FRMD8: variants seen among roughly 807,000 people sequenced by gnomAD.
FRMD8 encodes FERM domain-containing protein 8.
A neutral mutation model predicts 54.2 loss-of-function variants in FRMD8; 37 were observed. That is an observed-to-expected ratio of 0.68 (90% CI 0.53 to 0.90). FRMD8 has a LOEUF of 0.90. Among genes scored for constraint, FRMD8 ranks in the 40% least tolerant of loss-of-function variants. The pLI is 0.00. For missense variants in FRMD8, 585 were observed against 653.7 expected (o/e 0.89, Z 1.15); for synonymous variants, 246 against 286.9 (o/e 0.86, Z 1.44).
intron 3 of FRMD8, among the ~76,000 whole-genome samples, chr11:65,390,629 C>T (rs1183914087): frequency 1.3e-5 from 2 of 152,000 alleles, no homozygotes; most frequent in Admixed American, 1.3e-4. Context: ...CCTCTTCCTG[C>T]TGCCCCGGCT....
rs1206834077 is a variant in FRMD8, at chr11:65,400,702, C to T, written c.928-22C>T. ...ACCTCTGCCCAGGGGTCAAGCCTGG[C>T]TCTGTGTCTCCTGCTGGCCAGCATG... On this transcript the variant is annotated intron_variant, in intron 8 of 10. Transcript: ENST00000317568. This position sits in a 1 kb window ranked among gnomAD's most constrained non-coding sequence, Gnocchi z 4.3. 1.3e-6 allele frequency: 2 copies of T among 1,557,410 alleles called. No individual in the cohort carries two copies. The highest frequency in any genetic ancestry group is 1.8e-4 in the Middle Eastern group (1 of 5,584).
rs1224621948 is a variant in FRMD8, at chr11:65,404,370, A to C, written c.1072-494A>C. Among the ~76,000 whole-genome samples, 3 of 152,022 alleles carry C rather than the reference A, an allele frequency of 2.0e-5. No homozygotes were observed. The highest frequency in any genetic ancestry group is 1.3e-4 in the Admixed American group (2 of 15,274). The stretch of plus-strand genomic sequence containing the variant: ...ACCCGGCTGCTGCATCTTTTCTGTC[A>C]GTGTGCCTCATGCTTCACACCTGTT... On this transcript the variant is annotated intron_variant, in intron 9 of 10. Coordinates refer to ENST00000317568, the MANE Select transcript of FRMD8 (RefSeq NM_031904.5). This position sits in a 1 kb window ranked among gnomAD's most constrained non-coding sequence, Gnocchi z 4.7.
At chr11:65,389,257 G>T in intron 2 of FRMD8, 104 bp from the exon 3 acceptor site, 1 of 1,110,482 alleles carries the variant, frequency 9.0e-7, no homozygotes, top group South Asian at 1.3e-5. Flanking sequence ...GAGGGGTGTA[G>T]GGTGGGGGCT....
intron 10 of FRMD8, 23 bp from the exon 11 acceptor site, chr11:65,411,219 T>A: frequency 6.3e-7 from 1 of 1,585,402 alleles, no homozygotes; most frequent in Middle Eastern, 2.3e-4. Context: ...CTCTGCTCAG[T>A]GTGCCCTCCC....
At position 65,399,792 on chromosome 11, in the gene FRMD8, G is replaced by T. The variant is rs61743659; in HGVS notation, c.860G>T (p.Gly287Val). The part of the protein sequence containing the change: ...DKPAQGFLHR[G>V]GRKPVSVAIS... ...CCGGCCCAAGGCTTTTTGCACCGGG[G>T]TGGGCGCAAGCCAGTTTCTGTGGCC... The change falls in exon 8 of 11, where the codon GGT becomes GTT. Residue 287 changes from glycine (G) to valine (V), a missense_variant. Physicochemically the swap from Gly to Val is moderately radical, Grantham distance 109. Transcript: ENST00000317568. The T allele has an allele frequency of 4.0e-4, 649 of 1,614,000 alleles. 1 individual carries two copies. The highest frequency in any genetic ancestry group is 5.2e-4 in the Non-Finnish European group (610 of 1,179,998).
intron 3 of FRMD8, among the ~76,000 whole-genome samples, chr11:65,390,017 T>C (rs1174626683): frequency 6.6e-6 from 1 of 152,156 alleles, no homozygotes; most frequent in Non-Finnish European, 1.5e-5. Context: ...CTCTTTGAAC[T>C]GTTCCTGTTC....
intron 3 of FRMD8, among the ~76,000 whole-genome samples, chr11:65,390,316 G>C (rs1382988221): frequency 6.6e-6 from 1 of 152,126 alleles, no homozygotes; most frequent in Non-Finnish European, 1.5e-5. Flanking sequence ...CAAGGGAGAG[G>C]CTGCCCCATG....
intron 3 of FRMD8, among the ~76,000 whole-genome samples, chr11:65,392,952 G>A (rs1348070817): frequency 2.0e-5 from 3 of 152,194 alleles, no homozygotes; most frequent in African/African-American, 4.8e-5. Context: ...CAAGCAAGCT[G>A]GGGATGATTT....
At position 65,400,587 on chromosome 11, in the gene FRMD8, C is replaced by T; in HGVS notation, c.928-137C>T. ...GCTCTGATGAAAGCTGAGGCTCTCT[C>T]CTTACAGAAACACATGAACAAATGT... is the stretch of plus-strand genomic sequence containing the variant. On this transcript the variant is annotated intron_variant, in intron 8 of 10. Transcript: ENST00000317568. This position sits in a 1 kb window ranked among gnomAD's most constrained non-coding sequence, Gnocchi z 4.3. 3.4e-6 allele frequency: 3 copies of T among 872,684 alleles called. No individual in the cohort carries two copies. The highest frequency in any genetic ancestry group is 4.9e-6 in the Non-Finnish European group (3 of 607,864). The allele number at this position is 872,684 out of a possible 1,614,324, so 54.1% of individuals were successfully genotyped here.
chr11:65,396,735 GC>G, intron 6 of FRMD8, 63 bp from the exon 7 acceptor site: 1 of 1,122,788 alleles, frequency 8.9e-7, no homozygotes, highest in Non-Finnish European at 1.2e-6. Context: ...TGCTTCCCTC[GC>G]CCTCCCCCGT....
chr11:65,368,664 C>T, the FRMD8 span, among the ~76,000 whole-genome samples: 11 of 151,886 alleles, frequency 7.2e-5, no homozygotes, highest in Admixed American at 6.6e-5. Flanking sequence ...CCCGGGTTCA[C>T]GCCATTCTCC....
intron 6 of FRMD8, among the ~76,000 whole-genome samples, chr11:65,395,955 G>A (rs1855944710): frequency 6.6e-6 from 1 of 152,144 alleles, no homozygotes; most frequent in Non-Finnish European, 1.5e-5. Context: ...GCAGACCTGG[G>A]CCCATCTCCT....
At chr11:65,405,865 G>A (rs916595331) in intron 10 of FRMD8, among the ~76,000 whole-genome samples, 9 of 152,056 alleles carry the variant, frequency 5.9e-5, no homozygotes, top group Admixed American at 5.2e-4. Flanking sequence ...AGCTGAGCAC[G>A]GTGGTATATG....
At chr11:65,383,703 A>G (rs2137839500), upstream of FRMD8, 1 of 149,216 alleles carries the variant, frequency 6.7e-6, no homozygotes, top group Middle Eastern at 3.4e-3. Context: ...TGTTGCAGTG[A>G]GCCAAGATCA....
In FRMD8 at chr11:65,411,507, C is replaced by T. The variant is rs1220259231; in HGVS notation, c.*147C>T. The T allele has an allele frequency of 1.8e-6, 1 of 555,694 alleles. No individual in the cohort carries two copies. 34.4% of individuals were successfully genotyped at this position (555,694 alleles called of 1,614,324 possible). A position where few individuals can be genotyped will look rare whatever the true frequency, so the allele number is the denominator to read the frequency against. On this transcript the variant is annotated 3_prime_UTR_variant, in exon 11 of 11. Transcript: ENST00000317568. ...GGTTTCTCAGACCACGGAGAAGTGA[C>T]TTTTGGGCCCGGGGCCATGCCCGGG... is the stretch of plus-strand genomic sequence containing the variant.
intron 9 of FRMD8, among the ~76,000 whole-genome samples, chr11:65,401,268 G>A (rs954547533): frequency 1.3e-4 from 19 of 150,974 alleles, no homozygotes; most frequent in Non-Finnish European, 2.2e-4. Flanking sequence ...CCCTTCATTC[G>A]TCGTGTTTTA....
At position 65,396,842 on chromosome 11, in the gene FRMD8, G is replaced by A. The variant is rs1420546781; in HGVS notation, c.625G>A (p.Gly209Ser). ...SFLPAHLCKR[G>S]QSLFAALRGR... is the part of the protein sequence containing the mutation. ...CCTCCCTGCCCACCTCTGTAAGCGG[G>A]GCCAGAGTCTCTTTGCTGCCCTCCG... The change falls in exon 7 of 11, where the codon GGC becomes AGC. Residue 209 changes from glycine to serine, a missense_variant. Physicochemically the swap from Gly to Ser is moderately conservative, Grantham distance 56. Transcript: ENST00000317568. 6.4e-7 allele frequency: 1 copy of A among 1,564,262 alleles called. No individual in the cohort carries two copies. Among genetic ancestry groups the A allele is most frequent in the Admixed American group, 1.9e-5 (1 of 53,656 alleles).
chr11:65,382,321 C>A, upstream of FRMD8: 1 of 305,022 alleles, frequency 3.3e-6, no homozygotes, highest in Non-Finnish European at 6.4e-6. This position sits in a 1 kb window ranked among gnomAD's most constrained non-coding sequence, Gnocchi z 4.4. Flanking sequence ...GCCTGCCCAG[C>A]CAGCCCAGCT....
intron 6 of FRMD8, among the ~76,000 whole-genome samples, chr11:65,396,212 T>C (rs1465010336): frequency 1.3e-5 from 2 of 152,128 alleles, no homozygotes; most frequent in African/African-American, 4.8e-5. Context: ...CCAGGCCCCA[T>C]GGGGGCCCTT....
Sources: allele counts gnomAD v4.1 joint callset (sites outside exome capture counted in the v4.1 genomes callset), GRCh38; gene constraint gnomAD v4.1.1; non-coding constraint Gnocchi (gnomAD v3.1); transcripts MANE v1.5; gene names NCBI Gene and HGNC (gene_info 2026-07-23, HGNC 2026-07-21).